The following RBFOX1 variants were observed in gnomAD, a reference collection of about 807,000 sequenced individuals.
The protein encoded by RBFOX1 is RNA binding fox-1 homolog 1, also known as RNA binding protein fox-1 homolog 1.
RBFOX1 carries 8 observed loss-of-function variants against 57.7 expected under a neutral mutation model. The observed-to-expected ratio is 0.14, with a 90% CI of 0.08 to 0.25. The LOEUF is 0.25. Ranked by LOEUF, RBFOX1 falls within the 10% of genes least tolerant of loss-of-function variation. The probability of loss-of-function intolerance (pLI) is 1.00; values close to 1 mark genes in which losing one functional copy is unlikely to be tolerated. For synonymous variants in RBFOX1, 326 were observed against 222.4 expected, an observed-to-expected ratio of 1.47 and a Z score of -4.15; for missense variants, 611 against 548.5, an observed-to-expected ratio of 1.11 and a Z score of -1.14.
At chr16:7,085,804 A>G (rs2059899814) in intron 4 of RBFOX1, among the ~76,000 whole-genome samples, 1 of 152,156 alleles carries the variant, frequency 6.6e-6, no homozygotes, top group Non-Finnish European at 1.5e-5. Flanking sequence ...AGTAGGAGAA[A>G]GCAATCAATC....
chr16:7,701,611 T>G (rs1176729894), intron 14 of RBFOX1, among the ~76,000 whole-genome samples: 1 of 152,182 alleles, frequency 6.6e-6, no homozygotes. Context: ...CCTCTAGGTG[T>G]TTAGGGACTG....
chr16:7,609,491 T>G (rs2057006420), intron 10 of RBFOX1, among the ~76,000 whole-genome samples: 1 of 152,176 alleles, frequency 6.6e-6, no homozygotes, highest in Non-Finnish European at 1.5e-5. Flanking sequence ...TTCTAGAACA[T>G]TAGAGCAGCT....
Position 6,996,587 on chromosome 16 carries a change from C to T in RBFOX1, c.-15-55470C>T, listed in dbSNP as rs149679285. Among the ~76,000 whole-genome samples, 167 of 152,286 alleles carry T rather than the reference C, an allele frequency of 1.1e-3. 1 individual carries two copies. The highest frequency in any genetic ancestry group is 3.7e-3 in the African/African-American group (154 of 41,570). On this transcript the variant is annotated intron_variant, in intron 3 of 15. Transcript: ENST00000550418. ...TTTAACTCATTTACTAGCCCAACGA[C>T]TTTATGCTTTAGGCACTGTATTTTC...
At chr16:5,603,075 C>T (rs560818386), downstream of RBFOX1, among the ~76,000 whole-genome samples, 5 of 152,324 alleles carry the variant, frequency 3.3e-5, no homozygotes, top group East Asian at 9.6e-4. Context: ...CATCTCACCG[C>T]CCTTCCTACT....
chr16:7,696,083 A>C (rs74011844), intron 14 of RBFOX1, among the ~76,000 whole-genome samples: 4 of 152,202 alleles, frequency 2.6e-5, no homozygotes, highest in Non-Finnish European at 4.4e-5. Context: ...GAGAGTGCCA[A>C]CACATCTGGT....
intron 1 of RBFOX1, among the ~76,000 whole-genome samples, chr16:5,421,761 G>A (rs1006435387): frequency 6.6e-6 from 1 of 152,202 alleles, no homozygotes; most frequent in Non-Finnish European, 1.5e-5. Context: ...CAAAGAATAT[G>A]CAAATAACCC....
intron 3 of RBFOX1, among the ~76,000 whole-genome samples, chr16:7,008,120 G>A (rs186925929): frequency 6.6e-6 from 1 of 152,168 alleles, no homozygotes; most frequent in Non-Finnish European, 1.5e-5. Flanking sequence ...TCATGTACAA[G>A]TTCTCACTGA....
intron 2 of RBFOX1, among the ~76,000 whole-genome samples, chr16:6,346,544 C>T (rs2085402870): frequency 6.6e-6 from 1 of 152,202 alleles, no homozygotes; most frequent in East Asian, 1.9e-4. Flanking sequence ...TACCTCACTT[C>T]TGTTTTCTGT....
intron 3 of RBFOX1, among the ~76,000 whole-genome samples, chr16:5,860,514 G>T (rs2057186353): frequency 6.6e-6 from 1 of 152,200 alleles, no homozygotes; most frequent in African/African-American, 2.4e-5. Flanking sequence ...GCTCCCATTT[G>T]TCAAGGTGGC....
intron 4 of RBFOX1, among the ~76,000 whole-genome samples, chr16:5,957,412 AC>A (rs1217686672): frequency 6.6e-6 from 1 of 152,046 alleles, no homozygotes; most frequent in Non-Finnish European, 1.5e-5. Flanking sequence ...ATGGGGTTTC[AC>A]CATGTTGGTC....
intron 4 of RBFOX1, among the ~76,000 whole-genome samples, chr16:7,385,819 C>A (rs1035944449): frequency 7.2e-5 from 11 of 151,922 alleles, no homozygotes; most frequent in African/African-American, 2.2e-4. Context: ...AGTGGTGCGA[C>A]CTCGGCTCAC....
chr16:5,745,240 G>T (rs1426403119), intron 3 of RBFOX1, among the ~76,000 whole-genome samples: 2 of 152,084 alleles, frequency 1.3e-5, no homozygotes, highest in Non-Finnish European at 2.9e-5. Flanking sequence ...ATGGTTTCCA[G>T]CTTCATCCAT....
intron 2 of RBFOX1, among the ~76,000 whole-genome samples, chr16:6,543,664 C>T (rs1381757276): frequency 6.6e-6 from 1 of 152,116 alleles, no homozygotes; most frequent in African/African-American, 2.4e-5. Context: ...AAAGAGGCAC[C>T]TTGGCAGGGG....
At position 7,175,399 on chromosome 16, in the gene RBFOX1, T is replaced by C. The variant is rs545419173; in HGVS notation, c.27+123301T>C. Reference sequence around the variant, plus strand: ...CCTATAATTTCCTTTCCCTTATAAGTCAGCAAAGGCATGGGCAGGGGCCTG... The same window carrying C: ...CCTATAATTTCCTTTCCCTTATAAGCCAGCAAAGGCATGGGCAGGGGCCTG... On this transcript the variant is annotated intron_variant, in intron 4 of 15. Transcript: ENST00000550418. 4.6e-5 allele frequency among the ~76,000 whole-genome samples: 7 copies of C among 152,162 alleles called. No individual in the cohort carries two copies. The East Asian group carries it at 5.8e-4, about 13-fold the overall frequency.
At chr16:6,776,498 A>G (rs2079382048) in intron 3 of RBFOX1, among the ~76,000 whole-genome samples, 1 of 152,212 alleles carries the variant, frequency 6.6e-6, no homozygotes, top group Admixed American at 6.5e-5. Flanking sequence ...AGTGCATACA[A>G]TTAAAACACA....
chr16:7,705,385 G>T (rs1026602176), intron 14 of RBFOX1, among the ~76,000 whole-genome samples: 6 of 152,004 alleles, frequency 3.9e-5, no homozygotes, highest in Non-Finnish European at 7.4e-5. Flanking sequence ...GGTACCTGTA[G>T]TCCCAGCTAT....
intron 2 of RBFOX1, among the ~76,000 whole-genome samples, chr16:6,523,810 G>A (rs1247384791): frequency 6.6e-6 from 1 of 152,024 alleles, no homozygotes; most frequent in Non-Finnish European, 1.5e-5. Flanking sequence ...CATTTTGAAG[G>A]TACAGGTAAG....
chr16:7,119,274 G>T (rs2066588150), intron 4 of RBFOX1, among the ~76,000 whole-genome samples: 1 of 152,090 alleles, frequency 6.6e-6, no homozygotes, highest in Admixed American at 6.6e-5. Context: ...GTGTTTGTGT[G>T]TACATAATTG....
intron 5 of RBFOX1, among the ~76,000 whole-genome samples, chr16:7,538,643 G>C (rs1386833068): frequency 1.3e-5 from 2 of 152,128 alleles, no homozygotes; most frequent in Non-Finnish European, 2.9e-5. Flanking sequence ...TGTAATGTTT[G>C]CTTCAGTTAT....
Sources: allele counts gnomAD v4.1 joint callset (sites outside exome capture counted in the v4.1 genomes callset), GRCh38; gene constraint gnomAD v4.1.1; transcripts MANE v1.5; gene names NCBI Gene and HGNC (gene_info 2026-07-23, HGNC 2026-07-21).